CCDC102B: variants seen among roughly 807,000 people sequenced by gnomAD.
CCDC102B encodes coiled-coil domain containing 102B.
Under a neutral mutation model 57.4 loss-of-function variants are expected in CCDC102B, and 75 were observed. The observed-to-expected ratio is 1.31, with a 90% CI of 1.08 to 1.58. The LOEUF (loss-of-function observed/expected upper bound fraction) is 1.58. Among genes scored for constraint, CCDC102B ranks in the 40% most tolerant of loss-of-function variants. CCDC102B has a pLI of 0.00. For synonymous variants in CCDC102B, 206 were observed against 201.9 expected, an observed-to-expected ratio of 1.02 and a Z score of -0.17; for missense variants, 636 against 582.6, an observed-to-expected ratio of 1.09 and a Z score of -0.94.
chr18:68,844,544 A>G (rs892414708), intron 3 of CCDC102B, among the ~76,000 whole-genome samples: 1 of 151,810 alleles, frequency 6.6e-6, no homozygotes, highest in Admixed American at 6.6e-5. Flanking sequence ...AACTTAGTAC[A>G]ATTTTATTAT....
At chr18:68,805,125 A>G (rs374108413) in intron 1 of CCDC102B, among the ~76,000 whole-genome samples, 53 of 152,294 alleles carry the variant, frequency 3.5e-4, no homozygotes, top group African/African-American at 1.2e-3. Context: ...GAACCAGTGG[A>G]TGGCAGTTGT....
chr18:68,905,856 C>G (rs1283311761), intron 6 of CCDC102B, among the ~76,000 whole-genome samples: 6 of 124,090 alleles, frequency 4.8e-5, no homozygotes, highest in Non-Finnish European at 7.8e-5. Flanking sequence ...TACAGTGGTG[C>G]GATCTCGGCT....
chr18:68,825,634 G>C (rs567777128), intron 1 of CCDC102B, among the ~76,000 whole-genome samples: 7 of 152,184 alleles, frequency 4.6e-5, no homozygotes, highest in South Asian at 4.1e-4. Flanking sequence ...AAGTTGCAGT[G>C]AGCCGAGATC....
intron 2 of CCDC102B, among the ~76,000 whole-genome samples, chr18:68,734,295 A>G (rs2033028648): frequency 6.6e-6 from 1 of 152,194 alleles, no homozygotes; most frequent in Non-Finnish European, 1.5e-5. Context: ...ACAAATAGTT[A>G]AGAAGTGCCT....
chr18:69,017,773 T>C (rs1389316208), intron 7 of CCDC102B, among the ~76,000 whole-genome samples: 1 of 152,184 alleles, frequency 6.6e-6, no homozygotes, highest in African/African-American at 2.4e-5. Flanking sequence ...TAAATGAAAC[T>C]TTGACCAACA....
intron 1 of CCDC102B, among the ~76,000 whole-genome samples, chr18:68,810,707 T>A (rs1340997776): frequency 2.7e-4 from 21 of 78,520 alleles, no homozygotes; most frequent in African/African-American, 7.9e-4. Flanking sequence ...TTTTTTTTTT[T>A]ATGCTTTAAG....
chr18:69,005,592 A>G (rs542836976), intron 6 of CCDC102B, among the ~76,000 whole-genome samples: 1 of 151,982 alleles, frequency 6.6e-6, no homozygotes, highest in African/African-American at 2.4e-5. Context: ...AAGAAAATAT[A>G]TTTTGTCAGC....
chr18:69,037,001 G>GCA (rs10632840), intron 7 of CCDC102B, among the ~76,000 whole-genome samples: 1 of 151,446 alleles, frequency 6.6e-6, no homozygotes, highest in Non-Finnish European at 1.5e-5. Context: ...TTGTGTATGT[G>GCA]TATATATATG....
At chr18:68,807,441 A>G (rs2036074463) in intron 1 of CCDC102B, among the ~76,000 whole-genome samples, 1 of 152,170 alleles carries the variant, frequency 6.6e-6, no homozygotes, top group Non-Finnish European at 1.5e-5. Context: ...GTTTTTGAGG[A>G]AGAATTAAGA....
intron 1 of CCDC102B, among the ~76,000 whole-genome samples, chr18:68,825,080 C>T (rs144563322): frequency 0.017 from 2,552 of 152,196 alleles, 43 homozygotes; most frequent in Middle Eastern, 0.071. Context: ...TTGTTAGATG[C>T]CAAATAGTTC....
In CCDC102B at chr18:68,991,919, T is replaced by A. The variant is rs188790188; in HGVS notation, c.1264-19015T>A. Among the ~76,000 whole-genome samples the A allele has an allele frequency of 2.6e-3, 399 of 152,292 alleles. 1 individual carries two copies. The highest frequency in any genetic ancestry group is 4.8e-3 in the Non-Finnish European group (326 of 68,024). On this transcript the variant is annotated intron_variant, in intron 6 of 7. Coordinates refer to ENST00000360242, the MANE Select transcript of CCDC102B (RefSeq NM_024781.3). ...CTAATTTATATATGCACATGATACA[T>A]GTGAGATACCCTCAGGATAACACAT...
At chr18:68,716,071 A>G (rs938846487) in intron 1 of CCDC102B, among the ~76,000 whole-genome samples, 1 of 152,168 alleles carries the variant, frequency 6.6e-6, no homozygotes, top group African/African-American at 2.4e-5. Context: ...TATCCAGCGC[A>G]AGCCCTCTAC....
chr18:69,009,924 ATTTTTTTTTTT>A (rs770668683), intron 6 of CCDC102B, among the ~76,000 whole-genome samples: 2 of 33,514 alleles, frequency 6.0e-5, no homozygotes, highest in South Asian at 3.0e-3. Context: ...TTTAATAAAG[ATTTTTTTTTTT>A]TTTTTTTTTT....
At position 68,751,235 on chromosome 18, in the gene CCDC102B, AG is replaced by A. The variant is rs1436174447; in HGVS notation, c.-67+34642del. Among the ~76,000 whole-genome samples the A allele has an allele frequency of 3.3e-5, 5 of 152,316 alleles. No individual in the cohort carries two copies. The East Asian group carries it at 9.7e-4, about 29-fold the overall frequency. On this transcript the variant is annotated intron_variant, in intron 2 of 3. Transcript: ENST00000578970. ...ACCATTGTTCCTAGGAGAAGTAAAA[AG>A]TTCCTGTGAACATCTGTTCACATTT... is the stretch of plus-strand genomic sequence containing the variant.
At chr18:69,019,469 GTAT>G (rs574418226) in intron 7 of CCDC102B, among the ~76,000 whole-genome samples, 2 of 151,692 alleles carry the variant, frequency 1.3e-5, no homozygotes, top group Admixed American at 6.6e-5. Context: ...TTTGAATATG[GTAT>G]TATAATTTTC....
chr18:68,939,270 G>C (rs1188186025), intron 6 of CCDC102B, among the ~76,000 whole-genome samples: 2 of 151,600 alleles, frequency 1.3e-5, no homozygotes, highest in East Asian at 3.9e-4. Context: ...TCCTTATTCT[G>C]ATATCAGGGG....
intron 6 of CCDC102B, among the ~76,000 whole-genome samples, chr18:68,958,947 A>G (rs2049977857): frequency 6.6e-6 from 1 of 152,178 alleles, no homozygotes; most frequent in South Asian, 2.1e-4. Context: ...CAAAATAACT[A>G]TTTTGAATTC....
Position 68,838,870 on chromosome 18 carries a change from T to A in CCDC102B, c.771T>A (p.Ile257=). 1 of 1,613,938 alleles carries A rather than the reference T, an allele frequency of 6.2e-7. No individual in the cohort carries two copies. The highest frequency in any genetic ancestry group is 8.5e-7 in the Non-Finnish European group (1 of 1,179,940). ...NLPLENEVTE[I]SALQVHLDEF... ...CTTTGGAAAATGAAGTAACTGAAAT[T>A]TCAGCTTTGCAGGTGCATTTGGATG... The change falls in exon 3 of 8, where the codon ATT becomes ATA. Residue 257 remains isoleucine, a synonymous_variant. Transcript: ENST00000360242.
chr18:68,796,843 A>ATGTGTGTG (rs35894372), upstream of CCDC102B, among the ~76,000 whole-genome samples: 1,218 of 147,086 alleles, frequency 8.3e-3, 14 homozygotes, highest in African/African-American at 0.028. Flanking sequence ...ATGTACATGC[A>ATGTGTGTG]TGTGTGTGTG....
Sources: allele counts gnomAD v4.1 joint callset (sites outside exome capture counted in the v4.1 genomes callset), GRCh38; gene constraint gnomAD v4.1.1; transcripts MANE v1.5; gene names NCBI Gene and HGNC (gene_info 2026-07-23, HGNC 2026-07-21).